Variants in CDH18 observed in about 807,000 individuals in gnomAD.
CDH18 encodes the protein cadherin-18.
In CDH18, 31 loss-of-function variants were observed where a neutral mutation model predicts 67.9. That is an observed-to-expected ratio of 0.46 (90% CI 0.34 to 0.62). The LOEUF is 0.62. CDH18 is among the 20% of genes least tolerant of loss of function. The pLI is 0.01. For missense variants in CDH18, 890 were observed against 975.5 expected, an observed-to-expected ratio of 0.91 and a Z score of 1.17; for synonymous variants, 362 against 347.2, an observed-to-expected ratio of 1.04 and a Z score of -0.48.
rs762864395 is a variant in CDH18, at chr5:19,634,957, G to GA, written c.644-22357dup. ...CATCTCAAAAAAAAAAAAAAAGAAA[G>GA]AAAAAAAAGAATGTATTTGGTGGGT... On this transcript the variant is annotated intron_variant, in intron 5 of 12. Transcript: ENST00000382275. 4.4e-3 allele frequency among the ~76,000 whole-genome samples: 658 copies of GA among 148,932 alleles called. 1 individual carries two copies. Among genetic ancestry groups the GA allele is most frequent in the Non-Finnish European group, 7.0e-3 (472 of 67,080 alleles).
intron 2 of CDH18, among the ~76,000 whole-genome samples, chr5:20,247,104 T>C (rs1743440685): frequency 6.6e-6 from 1 of 152,146 alleles, no homozygotes; most frequent in African/African-American, 2.4e-5. Flanking sequence ...TTCCCAACCA[T>C]GCAGCCTAAC....
chr5:19,906,835 A>G (rs1326230612), intron 2 of CDH18, among the ~76,000 whole-genome samples: 3 of 151,958 alleles, frequency 2.0e-5, no homozygotes, highest in African/African-American at 7.2e-5. Flanking sequence ...TCCACAACCA[A>G]TCAAGACACA....
intron 2 of CDH18, among the ~76,000 whole-genome samples, chr5:20,058,863 T>C (rs1050633144): frequency 6.6e-6 from 1 of 152,156 alleles, no homozygotes; most frequent in African/African-American, 2.4e-5. Context: ...TTCTAATTAC[T>C]ATTAAGCTGG....
chr5:19,797,193 A>T (rs890462595), intron 3 of CDH18, among the ~76,000 whole-genome samples: 1 of 151,964 alleles, frequency 6.6e-6, no homozygotes, highest in African/African-American at 2.4e-5. Context: ...AAAATAATGG[A>T]AAATACTATA....
chr5:19,584,793 C>CAA (rs61297842), intron 7 of CDH18, among the ~76,000 whole-genome samples: 1,712 of 75,072 alleles, frequency 0.023, 52 homozygotes, highest in African/African-American at 0.05. Flanking sequence ...ACTAAAAATA[C>CAA]AAAAAAAAAA....
intron 2 of CDH18, among the ~76,000 whole-genome samples, chr5:20,004,342 C>T (rs987711043): frequency 4.6e-5 from 7 of 152,194 alleles, no homozygotes; most frequent in Non-Finnish European, 5.9e-5. Flanking sequence ...TGGGCATTGT[C>T]TCTGACCTGT....
chr5:19,698,716 G>T (rs528558378), intron 5 of CDH18, among the ~76,000 whole-genome samples: 1 of 152,102 alleles, frequency 6.6e-6, no homozygotes, highest in East Asian at 1.9e-4. Context: ...ATACATAAAT[G>T]ACACCTTTGA....
intron 5 of CDH18, among the ~76,000 whole-genome samples, chr5:19,710,897 A>T (rs1358656948): frequency 6.6e-6 from 1 of 152,118 alleles, no homozygotes; most frequent in African/African-American, 2.4e-5. Context: ...CTAACATAAA[A>T]ATAGACACAT....
intron 2 of CDH18, among the ~76,000 whole-genome samples, chr5:19,911,280 C>T (rs181535787): frequency 6.6e-6 from 1 of 152,110 alleles, no homozygotes; most frequent in Non-Finnish European, 1.5e-5. Context: ...CTCTTCCTTC[C>T]CTCTGTTTAG....
intron 9 of CDH18, among the ~76,000 whole-genome samples, chr5:19,531,213 T>C (rs1430949151): frequency 6.6e-6 from 1 of 152,194 alleles, no homozygotes; most frequent in Non-Finnish European, 1.5e-5. Flanking sequence ...TTCAAAAAAA[T>C]GAACATCTGA....
chr5:19,618,595 G>C (rs1750204298), intron 5 of CDH18, among the ~76,000 whole-genome samples: 1 of 152,260 alleles, frequency 6.6e-6, no homozygotes, highest in Admixed American at 6.5e-5. Context: ...GACTCCCAGT[G>C]TTTCTCCAAT....
chr5:20,109,682 A>G (rs1747284862), intron 2 of CDH18, among the ~76,000 whole-genome samples: 1 of 152,090 alleles, frequency 6.6e-6, no homozygotes, highest in African/African-American at 2.4e-5. Flanking sequence ...TGGTGCTTTA[A>G]TTTAGGAAAC....
At chr5:20,427,754 A>G (rs937449272) in intron 1 of CDH18, among the ~76,000 whole-genome samples, 2 of 151,202 alleles carry the variant, frequency 1.3e-5, no homozygotes, top group African/African-American at 4.9e-5. Flanking sequence ...CTCATCTGGA[A>G]AGGAAAATAA....
Position 20,479,446 on chromosome 5 carries a change from A to G in CDH18, c.-580+96016T>C, listed in dbSNP as rs79025637. ...TAATTAATTTTTAACAATTATGCAGACATTTTTTAAATGAAAAACTTAGTT... is the reference window on the plus strand; with the variant it reads ...TAATTAATTTTTAACAATTATGCAGGCATTTTTTAAATGAAAAACTTAGTT... On this transcript the variant is annotated intron_variant, in intron 1 of 14. Transcript: ENST00000507958. Among the ~76,000 whole-genome samples the G allele has an allele frequency of 5.9e-3, 900 of 152,240 alleles. 12 individuals carry two copies. Among genetic ancestry groups the G allele is most frequent in the African/African-American group, 0.021 (864 of 41,552 alleles).
chr5:20,426,009 C>T (rs990420206), intron 1 of CDH18, among the ~76,000 whole-genome samples: 3 of 150,854 alleles, frequency 2.0e-5, no homozygotes, highest in Non-Finnish European at 2.9e-5. Context: ...TATTTTATGC[C>T]GATTTTTTAA....
chr5:19,598,516 A>C (rs543611325), intron 6 of CDH18, among the ~76,000 whole-genome samples: 1 of 152,158 alleles, frequency 6.6e-6, no homozygotes, highest in Admixed American at 6.5e-5. Flanking sequence ...GGACATAGGA[A>C]ACTGAATGAA....
At chr5:20,101,159 A>G (rs1322611205) in intron 2 of CDH18, among the ~76,000 whole-genome samples, 1 of 151,936 alleles carries the variant, frequency 6.6e-6, no homozygotes, top group Non-Finnish European at 1.5e-5. Context: ...GCAGGGTCTC[A>G]CTATATTGCC....
intron 2 of CDH18, among the ~76,000 whole-genome samples, chr5:20,039,625 G>A (rs1740221870): frequency 6.6e-6 from 1 of 152,120 alleles, no homozygotes; most frequent in Non-Finnish European, 1.5e-5. Context: ...AAATCTTGTT[G>A]GGAAAACTGG....
chr5:19,540,899 T>C (rs1294905215), intron 9 of CDH18, among the ~76,000 whole-genome samples: 2 of 152,208 alleles, frequency 1.3e-5, no homozygotes, highest in Non-Finnish European at 2.9e-5. Context: ...TCTTGGTGTT[T>C]AACATTTGGC....
Sources: allele counts gnomAD v4.1 joint callset (sites outside exome capture counted in the v4.1 genomes callset), GRCh38; gene constraint gnomAD v4.1.1; transcripts MANE v1.5; gene names NCBI Gene and HGNC (gene_info 2026-07-23, HGNC 2026-07-21).